ZNF185: variants seen among roughly 807,000 people sequenced by gnomAD.
ZNF185 encodes zinc finger protein 185 with LIM domain.
A neutral mutation model predicts 58.6 loss-of-function variants in ZNF185; 56 were observed. The observed-to-expected ratio is 0.95, with a 90% CI of 0.77 to 1.19. The LOEUF (loss-of-function observed/expected upper bound fraction) is 1.19, where lower values mean the gene tolerates loss of function less well. Among genes scored for constraint, ZNF185 ranks in the 50% most tolerant of loss-of-function variants. The pLI, the probability that ZNF185 is intolerant of heterozygous loss-of-function variation, is 0.00. For missense variants in ZNF185, 627 were observed against 573.5 expected (o/e 1.09, Z -0.95); for synonymous variants, 230 against 215.9 (o/e 1.07, Z -0.57).
At chrX:152,926,552 C>T (rs781902865) in intron 11 of ZNF185, among the ~76,000 whole-genome samples, 1 of 112,918 alleles carries the variant, frequency 8.9e-6, no homozygotes, top group South Asian at 3.6e-4. Flanking sequence ...CACAGTTGGT[C>T]GCATTCCCAC....
Position 152,952,570 on chromosome X carries a change from T to C in ZNF185, c.1409+7106T>C, listed in dbSNP as rs781905954. On this transcript the variant is annotated intron_variant, in intron 16 of 22. Transcript: ENST00000449285. ...AATGGGTGCAGGGGGCCTGAAGCTC[T>C]ACTGGCTATAGGCAGTTGAGAGGGC... Among the ~76,000 whole-genome samples the C allele has an allele frequency of 8.1e-5, 9 of 111,747 alleles. No individual in the cohort carries two copies. The South Asian group carries it at 2.6e-3, about 33-fold the overall frequency.
intron 6 of ZNF185, 59 bp from the exon 8 acceptor site, chrX:152,918,924 G>A (rs995086558): frequency 2.7e-5 from 25 of 931,150 alleles, no homozygotes; most frequent in Non-Finnish European, 3.5e-5. Flanking sequence ...TGAAAGCCAG[G>A]AAGCCAAGCT....
the ZNF185 span, among the ~76,000 whole-genome samples, chrX:152,905,656 C>T: frequency 1.8e-5 from 2 of 109,726 alleles, no homozygotes; most frequent in African/African-American, 6.7e-5. Flanking sequence ...AGAATTTGAC[C>T]TCCACCCCTA....
intron 14 of ZNF185, among the ~76,000 whole-genome samples, chrX:152,933,668 C>G (rs1556879450): frequency 1.8e-5 from 2 of 112,605 alleles, no homozygotes. Context: ...TAGCTCCAAA[C>G]TATGCTAGAG....
chrX:152,962,727 C>T (rs1168709539), intron 17 of ZNF185, among the ~76,000 whole-genome samples: 1 of 112,113 alleles, frequency 8.9e-6, no homozygotes, highest in African/African-American at 3.2e-5. Flanking sequence ...AAGGGCTTCC[C>T]AGAGGAGGTG....
At chrX:152,952,101 T>C (rs1334642865) in intron 16 of ZNF185, among the ~76,000 whole-genome samples, 1 of 112,295 alleles carries the variant, frequency 8.9e-6, no homozygotes, top group Non-Finnish European at 1.9e-5. Context: ...TTATTCAACA[T>C]GTAAACCTGT....
intron 16 of ZNF185, among the ~76,000 whole-genome samples, chrX:152,950,184 A>G (rs1426340301): frequency 8.9e-6 from 1 of 112,450 alleles, no homozygotes. Flanking sequence ...CAAAAGCTTA[A>G]TAACATTAGT....
the ZNF185 span, among the ~76,000 whole-genome samples, chrX:152,903,274 G>A: frequency 3.8e-5 from 4 of 106,216 alleles, no homozygotes; most frequent in South Asian, 4.3e-4. Context: ...CTGTAATCCC[G>A]GCCACTAGGG....
chrX:152,928,607 TC>T lies in ZNF185; in HGVS notation c.865del (p.Leu289Ter), dbSNP rs1569499522. The stretch of plus-strand genomic sequence containing the variant: ...GGTGAGGAAATTGTCCGCCTGCAGA[TC>T]CTGACACCCAGGGCAGGACTCCGCC... On this transcript the variant is annotated frameshift_variant, in exon 12 of 23. Coordinates refer to ENST00000449285, the Ensembl canonical transcript of ZNF185. LOFTEE classifies it high-confidence loss of function. 1.7e-6 allele frequency: 2 copies of T among 1,211,725 alleles called. No homozygotes were observed. The highest frequency in any genetic ancestry group is 2.2e-6 in the Non-Finnish European group (2 of 895,449).
intron 14 of ZNF185, among the ~76,000 whole-genome samples, chrX:152,937,486 C>G (rs1556883063): frequency 9.0e-6 from 1 of 111,085 alleles, no homozygotes; most frequent in Non-Finnish European, 1.9e-5. Context: ...TGTCCTGGCT[C>G]CCCTCTGTCC....
chrX:152,938,160 A>C (rs1569505586), exon 15 of ZNF185: 1 of 1,180,682 alleles, frequency 8.5e-7, no homozygotes, highest in Non-Finnish European at 1.1e-6. Flanking sequence ...GCAGACCCAA[A>C]GGGGTAAGGC....
upstream of ZNF185, among the ~76,000 whole-genome samples, chrX:152,911,594 C>T (rs1029228437): frequency 1.0e-4 from 10 of 96,464 alleles, no homozygotes; most frequent in African/African-American, 1.9e-4. Context: ...AGATTCCAAC[C>T]TCATTTGCCC....
chrX:152,958,457 T>C (rs192194020), intron 16 of ZNF185, among the ~76,000 whole-genome samples: 186 of 110,847 alleles, frequency 1.7e-3, no homozygotes, highest in African/African-American at 5.6e-3. Flanking sequence ...CTTTTTCATC[T>C]GTAAAAAAAA....
chrX:152,970,114 A>T (rs1375059094), intron 21 of ZNF185, among the ~76,000 whole-genome samples: 1 of 111,286 alleles, frequency 9.0e-6, no homozygotes, highest in African/African-American at 3.3e-5. Context: ...CCCACTTAGC[A>T]GCTTCTCCTG....
chrX:152,902,893 G>A, the ZNF185 span, among the ~76,000 whole-genome samples: 1 of 111,352 alleles, frequency 9.0e-6, no homozygotes. Flanking sequence ...GGGAAGTGGG[G>A]AGGCAGCGGG....
intron 7 of ZNF185, 82 bp from the exon 9 acceptor site, chrX:152,920,246 C>A: frequency 9.5e-7 from 1 of 1,055,396 alleles, no homozygotes; most frequent in Non-Finnish European, 1.3e-6. Context: ...CCTAAGTCAC[C>A]CCGAGTCCAT....
the ZNF185 span, among the ~76,000 whole-genome samples, chrX:152,906,837 G>A: frequency 9.0e-6 from 1 of 110,732 alleles, no homozygotes; most frequent in Non-Finnish European, 1.9e-5. Context: ...CAGCACACAT[G>A]CACTGAGACA....
chrX:152,935,452 G>C (rs886474605), intron 14 of ZNF185, among the ~76,000 whole-genome samples: 4 of 108,420 alleles, frequency 3.7e-5, no homozygotes, highest in Non-Finnish European at 7.7e-5. Context: ...TAGCCAGGAT[G>C]GTCTCGATCT....
intron 16 of ZNF185, among the ~76,000 whole-genome samples, chrX:152,949,431 G>C (rs12687563): frequency 8.9e-6 from 1 of 112,245 alleles, no homozygotes; most frequent in Non-Finnish European, 1.9e-5. Flanking sequence ...TCCCCTTTCC[G>C]GGCCCCCTGG....
Sources: allele counts gnomAD v4.1 joint callset (sites outside exome capture counted in the v4.1 genomes callset), GRCh38; gene constraint gnomAD v4.1.1; transcripts MANE v1.5; gene names NCBI Gene and HGNC (gene_info 2026-07-23, HGNC 2026-07-21).